The following SYT10 variants were observed in gnomAD, a reference collection of about 807,000 sequenced individuals.
SYT10 encodes the protein synaptotagmin-10.
A neutral mutation model predicts 51.1 loss-of-function variants in SYT10; 31 were observed. That is an observed-to-expected ratio of 0.61 (90% CI 0.46 to 0.82). The LOEUF is 0.82. SYT10 is among the 40% of genes least tolerant of loss of function. The probability of loss-of-function intolerance (pLI) is 0.00; values close to 1 mark genes in which losing one functional copy is unlikely to be tolerated. For synonymous variants in SYT10, 233 were observed against 225.9 expected (o/e 1.03, Z -0.28); for missense variants, 603 against 634.0 (o/e 0.95, Z 0.53).
At chr12:33,422,914 G>A (rs1421964535) in intron 2 of SYT10, among the ~76,000 whole-genome samples, 1 of 151,982 alleles carries the variant, frequency 6.6e-6, no homozygotes, top group Non-Finnish European at 1.5e-5. Context: ...TAGAGTTTTT[G>A]GAGTAGAAAG....
In SYT10 at chr12:33,426,366, G is replaced by C; in HGVS notation, c.281C>G (p.Thr94Ser). 3.7e-6 allele frequency: 6 copies of C among 1,614,130 alleles called. No individual in the cohort carries two copies. Among genetic ancestry groups the C allele is most frequent in the Non-Finnish European group, 5.1e-6 (6 of 1,180,028 alleles). The change falls in exon 2 of 7, where the codon ACT becomes AGT. Residue 94 changes from threonine (T) to serine (S), a missense_variant. Physicochemically the swap from Thr to Ser is moderately conservative, Grantham distance 58. Transcript: ENST00000228567. ...WKSKPVTSNITTLPQSISSAP... is the reference protein window; with the variant it reads ...WKSKPVTSNISTLPQSISSAP... ...ACTTGAAATGCTCTGTGGAAGCGTA[G>C]TGATGTTGGAAGTCACAGGTTTGCT...
intron 1 of SYT10, among the ~76,000 whole-genome samples, chr12:33,430,285 T>C (rs1469918883): frequency 6.6e-6 from 1 of 152,206 alleles, no homozygotes; most frequent in Non-Finnish European, 1.5e-5. Flanking sequence ...TAAAGTGACA[T>C]AGTTCAGAAA....
At chr12:33,419,448 TG>T (rs1866481857) in intron 2 of SYT10, among the ~76,000 whole-genome samples, 1 of 152,204 alleles carries the variant, frequency 6.6e-6, no homozygotes, top group African/African-American at 2.4e-5. Flanking sequence ...GAGAAACAAC[TG>T]GTTTTCTTCT....
At chr12:33,396,829 G>C (rs1372572417) in intron 3 of SYT10, among the ~76,000 whole-genome samples, 2 of 151,944 alleles carry the variant, frequency 1.3e-5, no homozygotes, top group Non-Finnish European at 2.9e-5. Context: ...TAGTAGAGAC[G>C]AGGTTTCACC....
chr12:33,398,896 AAG>A (rs1866279886), intron 3 of SYT10, among the ~76,000 whole-genome samples: 1 of 152,208 alleles, frequency 6.6e-6, no homozygotes, highest in Non-Finnish European at 1.5e-5. Flanking sequence ...TAACTTGGTC[AAG>A]CCATACAGAG....
rs1866049099 is a variant in SYT10 at position 33,374,755 on chromosome 12, A to G, written c.*2075T>C. The G allele has an allele frequency of 6.6e-6, 1 of 151,832 alleles. No homozygotes were observed. Among genetic ancestry groups the G allele is most frequent in the South Asian group, 2.1e-4 (1 of 4,826 alleles). The allele number at this position is 151,832 out of a possible 1,614,324, so 9.4% of individuals were successfully genotyped here. The stretch of plus-strand genomic sequence containing the variant: ...ACAATTCCCATATTAGAGTCTTCTG[A>G]TTGGCCAATGGTTCACATTTTTTCA... On this transcript the variant is annotated 3_prime_UTR_variant, in exon 7 of 7. Transcript: ENST00000228567.
At chr12:33,421,413 A>G (rs1866503807) in intron 2 of SYT10, among the ~76,000 whole-genome samples, 1 of 152,226 alleles carries the variant, frequency 6.6e-6, no homozygotes, top group African/African-American at 2.4e-5. Context: ...TTATTTTGCC[A>G]GTTACTATTC....
intron 5 of SYT10, among the ~76,000 whole-genome samples, chr12:33,381,527 C>A (rs549877730): frequency 6.6e-6 from 1 of 151,834 alleles, no homozygotes; most frequent in East Asian, 1.9e-4. Context: ...ATAGTAAGGC[C>A]CAAATAAGAG....
chr12:33,405,427 T>C (rs1270425412), intron 3 of SYT10: 1 of 152,108 alleles, frequency 6.6e-6, no homozygotes, highest in Non-Finnish European at 1.5e-5. Context: ...TCCTTCTTTG[T>C]TCCTTAATAG....
intron 2 of SYT10, among the ~76,000 whole-genome samples, chr12:33,425,507 C>T (rs746314359): frequency 3.9e-5 from 6 of 152,104 alleles, no homozygotes; most frequent in Non-Finnish European, 8.8e-5. Context: ...AGGAAGTCCT[C>T]TTCCTCCTCC....
rs71068378 is a variant in SYT10 at position 33,392,985 on chromosome 12, T to TAAAAAAAA, written c.1078-7702_1078-7695dup. On this transcript the variant is annotated intron_variant, in intron 3 of 6. Transcript: ENST00000228567. ...CAAAAATAATTGTGGTTTTTGCCATTAAAAAAAAAAAAAAAAAAAAAAAAA... is the reference window on the plus strand; with the variant it reads ...CAAAAATAATTGTGGTTTTTGCCATTAAAAAAAAAAAAAAAAAAAAAAAAAAAAAAAAA... 7.4e-3 allele frequency among the ~76,000 whole-genome samples: 437 copies of TAAAAAAAA among 59,050 alleles called. 17 individuals are homozygous for TAAAAAAAA. Among genetic ancestry groups the TAAAAAAAA allele is most frequent in the African/African-American group, 0.032 (351 of 11,032 alleles). The allele number at this position is 59,050 out of a possible 152,430, so 38.7% of individuals were successfully genotyped here.
At chr12:33,380,439 C>T (rs10732554) in intron 5 of SYT10, among the ~76,000 whole-genome samples, 109,084 of 152,104 alleles carry the variant, frequency 0.72, 40,738 homozygotes, top group East Asian at 0.95. Flanking sequence ...TTACCACTTG[C>T]ATTACAATTA....
intron 3 of SYT10, among the ~76,000 whole-genome samples, chr12:33,393,590 C>A (rs556309148): frequency 6.6e-6 from 1 of 152,176 alleles, no homozygotes; most frequent in East Asian, 1.9e-4. Flanking sequence ...TTCTTCTCCA[C>A]GTAATAGCCA....
intron 6 of SYT10, among the ~76,000 whole-genome samples, chr12:33,378,049 T>C (rs1012238649): frequency 3.3e-5 from 5 of 152,204 alleles, no homozygotes; most frequent in African/African-American, 1.2e-4. Context: ...AATTATATAC[T>C]TATTTTTCCT....
intron 2 of SYT10, among the ~76,000 whole-genome samples, chr12:33,421,051 T>A (rs1866499094): frequency 6.6e-6 from 1 of 152,204 alleles, no homozygotes; most frequent in Non-Finnish European, 1.5e-5. Flanking sequence ...ATTTTTGCTA[T>A]CTTTTCAGAG....
chr12:33,382,672 A>G (rs537304933), intron 4 of SYT10, 152 bp from the exon 5 acceptor site: 1 of 692,274 alleles, frequency 1.4e-6, no homozygotes, highest in Non-Finnish European at 2.1e-6. Flanking sequence ...TCCAAAAAAA[A>G]GAGTAATTGT....
At chr12:33,414,329 C>T (rs547387263) in intron 2 of SYT10, among the ~76,000 whole-genome samples, 13 of 152,254 alleles carry the variant, frequency 8.5e-5, no homozygotes, top group East Asian at 1.9e-4. Context: ...CTGCACCAAG[C>T]GGACCTAATA....
intron 2 of SYT10, chr12:33,407,920 A>G (rs1393985286): frequency 2.6e-5 from 4 of 152,268 alleles, no homozygotes; most frequent in African/African-American, 9.6e-5. Flanking sequence ...GGCCAATGTT[A>G]ATTTTCATAT....
In SYT10 at chr12:33,376,914, A is replaced by C. The variant is rs1866068160; in HGVS notation, c.1501-13T>G. The C allele has an allele frequency of 2.5e-6, 4 of 1,613,744 alleles. No homozygotes were observed. The highest frequency in any genetic ancestry group is 3.4e-6 in the Non-Finnish European group (4 of 1,179,848). Reference sequence around the variant, plus strand: ...CCCGGCCAGGTAACTGAAAGACAAAAATTTCATAATGTATGATCTAGTACA... The same window carrying C: ...CCCGGCCAGGTAACTGAAAGACAAACATTTCATAATGTATGATCTAGTACA... On this transcript the variant is annotated splice_polypyrimidine_tract_variant and intron_variant, in intron 6 of 6. Transcript: ENST00000228567.
Sources: gnomAD v4.1 joint callset for allele counts (sites outside exome capture counted in the v4.1 genomes callset) on GRCh38, gnomAD v4.1.1 for gene constraint, MANE v1.5 for transcripts, NCBI Gene and HGNC (gene_info 2026-07-23, HGNC 2026-07-21) for gene names.